Variants in TBR1 observed in about 807,000 individuals in gnomAD.
The protein encoded by TBR1 is T-box brain protein 1.
In TBR1, 7 loss-of-function variants were observed where a neutral mutation model predicts 60.3. The ratio of observed to expected loss-of-function variants is 0.12; its 90% CI spans 0.07 to 0.22. The LOEUF is 0.22. Ranked by LOEUF, TBR1 falls within the 10% of genes least tolerant of loss-of-function variation. The pLI is 1.00. For missense variants in TBR1, 616 were observed against 936.8 expected (o/e 0.66, Z 4.47); for synonymous variants, 417 against 409.9 (o/e 1.02, Z -0.21).
chr2:161,417,347 G>A lies in TBR1; in HGVS notation c.692+245G>A, dbSNP rs569059007. On this transcript the variant is annotated intron_variant, in intron 1 of 5. Transcript: ENST00000389554. The surrounding 1 kb of genome is among the most constrained non-coding windows in gnomAD (Gnocchi z 5.3). ...GTGGCCAGAGGAAGGCAAGAAAAAG[G>A]AAGAGCCCTGGCCAGCGGCTGGGCG... 6.3e-5 allele frequency: 36 copies of A among 573,842 alleles called. No individual in the cohort carries two copies. The Admixed American group carries it at 8.2e-4, about 13-fold the overall frequency. 35.5% of individuals were successfully genotyped at this position (573,842 alleles called of 1,614,324 possible).
chr2:161,424,269 A>T lies in TBR1; in HGVS notation c.*42A>T, dbSNP rs1276824794. 6.7e-7 allele frequency: 1 copy of T among 1,493,778 alleles called. No individual in the cohort carries two copies. The highest frequency in any genetic ancestry group is 2.1e-5 in the Admixed American group (1 of 47,348). 92.5% of individuals were successfully genotyped at this position (1,493,778 alleles called of 1,614,324 possible). ...CGGCCCCGCCGCGGCCCGGACCCCC[A>T]GCCAGCCCCTCACAGCTCTTCCCCA... On this transcript the variant is annotated 3_prime_UTR_variant, in exon 6 of 6. Coordinates refer to ENST00000389554, the MANE Select transcript of TBR1 (RefSeq NM_006593.4). This position sits in a 1 kb window ranked among gnomAD's most constrained non-coding sequence, Gnocchi z 4.4.
chr2:161,418,579 C>A, intron 3 of TBR1: 1 of 544,950 alleles, frequency 1.8e-6, no homozygotes, highest in South Asian at 2.6e-5. Context: ...GAGAAGAAAC[C>A]CCACAAGATC....
chr2:161,423,249 A>G, intron 5 of TBR1, 120 bp from the exon 6 acceptor site: 1 of 652,278 alleles, frequency 1.5e-6, no homozygotes, highest in Non-Finnish European at 2.5e-6. Context: ...GCAAGTTTGT[A>G]GATGGAGGGT....
chr2:161,417,651 TCCCCCCACCC>T lies in TBR1; in HGVS notation c.693-23_693-14del. On this transcript the variant is annotated splice_polypyrimidine_tract_variant and intron_variant, in intron 1 of 5. Coordinates refer to ENST00000389554, the MANE Select transcript of TBR1 (RefSeq NM_006593.4). This position sits in a 1 kb window ranked among gnomAD's most constrained non-coding sequence, Gnocchi z 5.3. The stretch of plus-strand genomic sequence containing the variant: ...TTATGTTTCTTTTTTCCTTGTTTTC[TCCCCCCACCC>T]CTTAATTTAAATAGGCGCATGTTTC... 6.3e-7 allele frequency: 1 copy of T among 1,589,842 alleles called. No homozygotes were observed.
Position 161,417,043 on chromosome 2 carries a change from G to A in TBR1, c.633G>A (p.Arg211=). ...PGKAQVYLCN[R]PLWLKFHRHQ... ...AAGCACAGGTGTACCTGTGCAACAG[G>A]CCCCTTTGGCTGAAATTTCACCGGC... is the stretch of plus-strand genomic sequence containing the variant. Residue 211 remains arginine (R), a synonymous_variant, in exon 1 of 6, where the codon AGG becomes AGA. Transcript: ENST00000389554. This position sits in a 1 kb window ranked among gnomAD's most constrained non-coding sequence, Gnocchi z 5.3. 6.2e-7 allele frequency: 1 copy of A among 1,611,912 alleles called. No homozygotes were observed. Among genetic ancestry groups the A allele is most frequent in the Non-Finnish European group, 8.5e-7 (1 of 1,179,264 alleles).
chr2:161,419,071 G>C (rs1429242095), intron 4 of TBR1, 21 bp downstream of exon 4: 1 of 1,613,540 alleles, frequency 6.2e-7, no homozygotes, highest in African/African-American at 1.3e-5. Context: ...CTAGGGGCTG[G>C]GGGCGAGGCG....
chr2:161,423,671 C>T lies in TBR1; in HGVS notation c.1493C>T (p.Ser498Leu). 6.5e-7 allele frequency: 1 copy of T among 1,543,748 alleles called. No individual in the cohort carries two copies. The highest frequency in any genetic ancestry group is 2.5e-5 in the East Asian group (1 of 40,144). ...AACAACCGGCTGGACTTCGCGGCCT[C>T]GGCCTATGACACGGCCACGGACTTC... ...PANNRLDFAA[S>L]AYDTATDFAG... Residue 498 changes from serine (S) to leucine (L), a missense_variant, in exon 6 of 6, where the codon TCG becomes TTG. Physicochemically the swap from Ser to Leu is moderately radical, Grantham distance 145. This residue lies in a region of TBR1 where 210 missense variants were observed against 297.4 expected (regional missense o/e 0.71). Transcript: ENST00000389554.
In TBR1 at chr2:161,423,476, A is replaced by C. The variant is rs753166129; in HGVS notation, c.1298A>C (p.Gln433Pro). The C allele has an allele frequency of 1.2e-6, 2 of 1,607,200 alleles. No individual in the cohort carries two copies. The highest frequency in any genetic ancestry group is 2.7e-5 in the African/African-American group (2 of 74,482). Residue 433 changes from glutamine (Q) to proline (P), a missense_variant, in exon 6 of 6, where the codon CAG (glutamine) becomes CCG (proline). Physicochemically the swap from Gln to Pro is moderately conservative, Grantham distance 76. Around this residue, in one of 8 missense-constraint regions of TBR1, gnomAD observed 80 missense variants for 75.3 expected, o/e 1.06. Coordinates refer to ENST00000389554, the MANE Select transcript of TBR1 (RefSeq NM_006593.4). ...TACGCCATGGCCGGCTCTTTCCTGC[A>C]GGACCAGTTCGTGAGCAACTACGCC... ...ARYAMAGSFL[Q>P]DQFVSNYAKA...
Position 161,423,834 on chromosome 2 carries a change from G to A in TBR1, c.1656G>A (p.Gln552=), listed in dbSNP as rs775846200. The A allele has an allele frequency of 8.9e-6, 13 of 1,468,612 alleles. No homozygotes were observed. Among genetic ancestry groups the A allele is most frequent in the Non-Finnish European group, 9.0e-6 (10 of 1,113,540 alleles). 91.0% of individuals were successfully genotyped at this position (1,468,612 alleles called of 1,614,324 possible). A position where few individuals can be genotyped will look rare whatever the true frequency, so the allele number is the denominator to read the frequency against. ...PSGWGARSPP[Q]YCGTKSGSVL... is the part of the protein sequence containing the mutation. ...GCTGGGGCGCCCGCAGTCCCCCGCA[G>A]TACTGCGGCACCAAGTCGGGCTCGG... The change falls in exon 6 of 6, where the codon CAG becomes CAA. Residue 552 remains glutamine, a synonymous_variant. Coordinates refer to ENST00000389554, the MANE Select transcript of TBR1 (RefSeq NM_006593.4).
chr2:161,423,297 T>C, intron 5 of TBR1, 72 bp from the exon 6 acceptor site: 1 of 1,120,802 alleles, frequency 8.9e-7, no homozygotes, highest in East Asian at 2.9e-5. Flanking sequence ...CCTTCCCTTC[T>C]GCCCCCACCC....
Position 161,420,259 on chromosome 2 carries a change from T to C in TBR1, c.1190+2T>C, listed in dbSNP as rs1231294235. 6.2e-7 allele frequency: 1 copy of C among 1,612,304 alleles called. No individual in the cohort carries two copies. Among genetic ancestry groups the C allele is most frequent in the South Asian group, 1.1e-5 (1 of 90,926 alleles). The stretch of plus-strand genomic sequence containing the variant: ...AGGATTTCGGGATAATTATGACACG[T>C]AAGTAACTTTGTATCTTCCTTTTCA... On this transcript the variant is annotated splice_donor_variant, in intron 5 of 5. Transcript: ENST00000389554. LOFTEE classifies it high-confidence loss of function.
intron 4 of TBR1, chr2:161,419,377 A>C: frequency 5.0e-6 from 1 of 198,094 alleles, no homozygotes; most frequent in Non-Finnish European, 1.0e-5. Context: ...TTTAAAAAAA[A>C]ATTCTCTCTT....
chr2:161,418,660 G>A, intron 3 of TBR1: 2 of 601,308 alleles, frequency 3.3e-6, no homozygotes, highest in Non-Finnish European at 5.5e-6. Context: ...TCGGGCGGTC[G>A]GCTTCCCCCT....
At position 161,424,242 on chromosome 2, in the gene TBR1, C is replaced by T. The variant is rs759156948; in HGVS notation, c.*15C>T. On this transcript the variant is annotated 3_prime_UTR_variant, in exon 6 of 6. Coordinates refer to ENST00000389554, the MANE Select transcript of TBR1 (RefSeq NM_006593.4). This position sits in a 1 kb window ranked among gnomAD's most constrained non-coding sequence, Gnocchi z 4.4. ...CGCACAGCTAGGCCGCCCCTGCCCGCCCGGCCCCGCCGCGGCCCGGACCCC... is the reference window on the plus strand; with the variant it reads ...CGCACAGCTAGGCCGCCCCTGCCCGTCCGGCCCCGCCGCGGCCCGGACCCC... The T allele has an allele frequency of 3.3e-5, 50 of 1,533,844 alleles. 1 individual carries two copies. The East Asian group carries it at 1.2e-3, about 36-fold the overall frequency.
In TBR1 at chr2:161,423,985, G is replaced by A; in HGVS notation, c.1807G>A (p.Asp603Asn). Residue 603 changes from aspartate (D) to asparagine (N), a missense_variant, in exon 6 of 6, where the codon GAC becomes AAC. By Grantham distance (23) the Asp-to-Asn change is conservative. Coordinates refer to ENST00000389554, the MANE Select transcript of TBR1 (RefSeq NM_006593.4). ...GCCGCTGCCGCCCGGCGCCGCCGAG[G>A]ACGCCAAGCCCAAGGACCTGTCCGA... ...RSPLPPGAAE[D>N]AKPKDLSDSS... The A allele has an allele frequency of 6.4e-7, 1 of 1,556,364 alleles. No homozygotes were observed.
At chr2:161,419,364 T>G in intron 4 of TBR1, 1 of 207,754 alleles carries the variant, frequency 4.8e-6, no homozygotes, top group East Asian at 1.1e-4. Context: ...GATTAAAATC[T>G]ACTTTAAAAA....
At position 161,424,333 on chromosome 2, in the gene TBR1, T is replaced by A. The variant is rs1684288267; in HGVS notation, c.*106T>A. On this transcript the variant is annotated 3_prime_UTR_variant, in exon 6 of 6. Coordinates refer to ENST00000389554, the MANE Select transcript of TBR1 (RefSeq NM_006593.4). This position sits in a 1 kb window ranked among gnomAD's most constrained non-coding sequence, Gnocchi z 4.4. ...ACACTCCTCCTTGCGCACCCACTCA[T>A]TTTATTTGACCCTCGATGGCCGTCT... 7.8e-6 allele frequency: 10 copies of A among 1,288,642 alleles called. No homozygotes were observed. Among genetic ancestry groups the A allele is most frequent in the Non-Finnish European group, 1.1e-5 (10 of 949,058 alleles). 79.8% of individuals were successfully genotyped at this position (1,288,642 alleles called of 1,614,324 possible). A position where few individuals can be genotyped will look rare whatever the true frequency, so the allele number is the denominator to read the frequency against.
intron 4 of TBR1, 92 bp downstream of exon 4, chr2:161,419,142 A>G (rs1408076757): frequency 1.9e-6 from 3 of 1,583,654 alleles, no homozygotes; most frequent in East Asian, 2.3e-5. Flanking sequence ...CTAGGGTACT[A>G]GCAGCGCTAA....
chr2:161,416,691 G>A lies in TBR1; in HGVS notation c.281G>A (p.Arg94His). The A allele has an allele frequency of 1.2e-6, 2 of 1,614,138 alleles. No individual in the cohort carries two copies. The highest frequency in any genetic ancestry group is 1.7e-6 in the Non-Finnish European group (2 of 1,180,018). Reference sequence around the variant, plus strand: ...GTCTTGGACGGGGTCTCTGAGCTTCGTCACAGTTTCGATGGCTCTGCTGCA... The same window carrying A: ...GTCTTGGACGGGGTCTCTGAGCTTCATCACAGTTTCGATGGCTCTGCTGCA... ...SPVLDGVSELRHSFDGSAADR... is the reference protein window; with the variant it reads ...SPVLDGVSELHHSFDGSAADR... The change falls in exon 1 of 6, where the codon CGT becomes CAT. Residue 94 changes from arginine (R) to histidine (H), a missense_variant. Arg to His is a conservative substitution (Grantham distance 29). This residue lies in a region of TBR1 where 211 missense variants were observed against 268.7 expected (regional missense o/e 0.79). Transcript: ENST00000389554. This position sits in a 1 kb window ranked among gnomAD's most constrained non-coding sequence, Gnocchi z 6.1.
Sources: allele counts gnomAD v4.1 joint callset, GRCh38; gene constraint gnomAD v4.1.1; regional missense constraint gnomAD v4.1.1; non-coding constraint Gnocchi (gnomAD v3.1); transcripts MANE v1.5; gene names NCBI Gene and HGNC (gene_info 2026-07-23, HGNC 2026-07-21).